TCIRG1: variants seen among roughly 807,000 people sequenced by gnomAD.
TCIRG1 encodes the protein V-type proton ATPase 116 kDa subunit a 3.
In TCIRG1, 86 loss-of-function variants were observed where a neutral mutation model predicts 95.5. That is an observed-to-expected ratio of 0.90 (90% CI 0.76 to 1.08). The LOEUF is 1.08. Ranked by LOEUF, TCIRG1 falls within the 50% of genes least tolerant of loss-of-function variation. The pLI is 0.00. For missense variants in TCIRG1, 1,069 were observed against 1,140.2 expected (o/e 0.94, Z 0.90); for synonymous variants, 499 against 501.3 (o/e 1.00, Z 0.06).
chr11:68,041,199 A>G, intron 1 of TCIRG1, 69 bp from the exon 2 acceptor site: 1 of 1,018,478 alleles, frequency 9.8e-7, no homozygotes. Context: ...GTGAAGGTGC[A>G]CAGGTGCCCG....
Position 68,041,276 on chromosome 11 carries a change from G to A in TCIRG1, c.5G>A (p.Gly2Asp). The change falls in exon 2 of 20, where the codon GGC becomes GAC. Residue 2 changes from glycine to aspartate, a missense_variant. Coordinates refer to ENST00000265686, the MANE Select transcript of TCIRG1 (RefSeq NM_006019.4). Reference protein sequence around the residue: MGSMFRSEEVAL... With the variant: MDSMFRSEEVAL... ...TCCGTGTCCACCCACAGGACCATGG[G>A]CTCCATGTTCCGGAGCGAGGAGGTG... is the stretch of plus-strand genomic sequence containing the variant. The A allele has an allele frequency of 1.2e-6, 2 of 1,610,386 alleles. No individual in the cohort carries two copies. The highest frequency in any genetic ancestry group is 2.2e-5 in the East Asian group (1 of 44,862).
rs543099977 is a variant in TCIRG1, at chr11:68,044,150, C to A, written c.826C>A (p.Arg276=). The A allele has an allele frequency of 6.5e-7, 1 of 1,550,110 alleles. No homozygotes were observed. The highest frequency in any genetic ancestry group is 1.2e-5 in the South Asian group (1 of 84,094). The change falls in exon 9 of 20, where the codon CGG becomes AGG. Residue 276 remains arginine (R), a synonymous_variant. Coordinates refer to ENST00000265686, the MANE Select transcript of TCIRG1 (RefSeq NM_006019.4). ...GGCGCAGGTCCTCGGGGAGACAGAG[C>A]GGTTCCTGAGCCAGGTGCTAGGCCG... ...ELQEVLGETE[R]FLSQVLGRVL...
intron 10 of TCIRG1, chr11:68,046,818 T>C: frequency 2.2e-6 from 1 of 454,120 alleles, no homozygotes; most frequent in East Asian, 7.0e-5. Flanking sequence ...CTCTGGCTTC[T>C]GTGTGGAGCT....
intron 1 of TCIRG1, among the ~76,000 whole-genome samples, chr11:68,040,631 C>T (rs1227667372): frequency 6.6e-6 from 1 of 152,184 alleles, no homozygotes; most frequent in Non-Finnish European, 1.5e-5. Context: ...GGCCTGGCAC[C>T]TGCCCCCACC....
Position 68,050,753 on chromosome 11 carries a change from G to A in TCIRG1, c.2427G>A (p.Gln809=). 2 of 1,613,942 alleles carry A rather than the reference G, an allele frequency of 1.2e-6. No individual in the cohort carries two copies. Among genetic ancestry groups the A allele is most frequent in the Non-Finnish European group, 1.7e-6 (2 of 1,180,030 alleles). Residue 809 remains glutamine, a synonymous_variant, in exon 20 of 20, where the codon CAG becomes CAA. Transcript: ENST00000265686. ...TTCTCACCCCCAGGGTGGAATTCCA[G>A]AACAAGTTCTACTCAGGCACGGGCT... ...HALRLHWVEF[Q]NKFYSGTGYK...
rs1300141877 is a variant in TCIRG1, at chr11:68,049,215, C to T, written c.1808C>T (p.Ala603Val). 2 of 1,613,818 alleles carry T rather than the reference C, an allele frequency of 1.2e-6. No homozygotes were observed. Among genetic ancestry groups the T allele is most frequent in the South Asian group, 1.1e-5 (1 of 91,084 alleles). ...LCVWAARAASAPSILIHFINM... is the reference protein window; with the variant it reads ...LCVWAARAASVPSILIHFINM... ...GTCTGGGCTGCCAGGGCCGCCTCGG[C>T]CCCCAGCATCCTCATCCACTTCATC... The change falls in exon 15 of 20, where the codon GCC (alanine) becomes GTC (valine). Residue 603 changes from alanine to valine, a missense_variant. By Grantham distance (64) the Ala-to-Val change is moderately conservative. Coordinates refer to ENST00000265686, the MANE Select transcript of TCIRG1 (RefSeq NM_006019.4).
At position 68,050,523 on chromosome 11, in the gene TCIRG1, T is replaced by C. The variant is rs2134466069; in HGVS notation, c.2273T>C (p.Ile758Thr). The stretch of plus-strand genomic sequence containing the variant: ...GTTCTGTGGGCCATGGTGATGCGCA[T>C]AGGCCTGGGCCTGGGCCGGGAGGTG... ...SEVLWAMVMR[I>T]GLGLGREVGV... is the part of the protein sequence containing the mutation. Residue 758 changes from isoleucine to threonine, a missense_variant, in exon 19 of 20, where the codon ATA becomes ACA. By Grantham distance (89) the Ile-to-Thr change is moderately conservative (BLOSUM62 -1). Transcript: ENST00000265686. 1.9e-6 allele frequency: 3 copies of C among 1,613,694 alleles called. No homozygotes were observed. The highest frequency in any genetic ancestry group is 2.5e-6 in the Non-Finnish European group (3 of 1,180,008).
intron 13 of TCIRG1, 45 bp downstream of exon 13, chr11:68,048,017 G>A: frequency 2.6e-6 from 4 of 1,558,204 alleles, no homozygotes; most frequent in Non-Finnish European, 3.5e-6. Context: ...AGGCAGCTGG[G>A]AGTGGGGGCT....
In TCIRG1 at chr11:68,050,486, G is replaced by A; in HGVS notation, c.2237-1G>A. ...GCCCCCACTGTCTCCTTTGCTTGCAGAGCTGTCCGAGGTTCTGTGGGCCAT... is the reference window on the plus strand; with the variant it reads ...GCCCCCACTGTCTCCTTTGCTTGCAAAGCTGTCCGAGGTTCTGTGGGCCAT... On this transcript the variant is annotated splice_acceptor_variant, in intron 18 of 19. Coordinates refer to ENST00000265686, the MANE Select transcript of TCIRG1 (RefSeq NM_006019.4). LOFTEE classifies it high-confidence loss of function. The A allele has an allele frequency of 6.2e-7, 1 of 1,613,026 alleles. No individual in the cohort carries two copies. Among genetic ancestry groups the A allele is most frequent in the Non-Finnish European group, 8.5e-7 (1 of 1,180,004 alleles).
chr11:68,052,237 G>A (rs1315271109), downstream of TCIRG1: 1 of 152,378 alleles, frequency 6.6e-6, no homozygotes, highest in Admixed American at 6.5e-5. Flanking sequence ...CCGGGCCCAG[G>A]GTGGTTTAGG....
chr11:68,044,285 G>C lies in TCIRG1; in HGVS notation c.961G>C (p.Glu321Gln), dbSNP rs372690969. Residue 321 changes from glutamate to glutamine, a missense_variant, in exon 9 of 20, where the codon GAG becomes CAG. Physicochemically the swap from Glu to Gln is conservative, Grantham distance 29 (BLOSUM62 2). Coordinates refer to ENST00000265686, the MANE Select transcript of TCIRG1 (RefSeq NM_006019.4). ...CACCACGCACAAGTGCCTCATTGCC[G>C]AGGCCTGGTGCTCTGTGCGAGACCT... ...VSTTHKCLIA[E>Q]AWCSVRDLPA... 5 of 1,604,968 alleles carry C rather than the reference G, an allele frequency of 3.1e-6. No homozygotes were observed. The highest frequency in any genetic ancestry group is 1.3e-5 in the African/African-American group (1 of 74,832).
chr11:68,046,362 A>G (rs1299404553), intron 10 of TCIRG1, among the ~76,000 whole-genome samples: 4 of 152,012 alleles, frequency 2.6e-5, no homozygotes, highest in African/African-American at 9.7e-5. Context: ...ATAAAAGATG[A>G]TGAGGTGTTG....
chr11:68,048,668 A>G (rs1401831609), intron 13 of TCIRG1, among the ~76,000 whole-genome samples: 3 of 152,184 alleles, frequency 2.0e-5, no homozygotes, highest in African/African-American at 7.2e-5. Flanking sequence ...GAAGAGACTG[A>G]GGCACAGAGG....
rs1225957112 is a variant in TCIRG1 at position 68,047,868 on chromosome 11, C to T, written c.1464-14C>T. On this transcript the variant is annotated splice_polypyrimidine_tract_variant and intron_variant, in intron 12 of 19. Transcript: ENST00000265686. ...CACCCGCAGCCCTGACCGCCCTCCCCTGCGTTGCCGCAGTGATGCATTCCT... is the reference window on the plus strand; with the variant it reads ...CACCCGCAGCCCTGACCGCCCTCCCTTGCGTTGCCGCAGTGATGCATTCCT... The T allele has an allele frequency of 1.2e-6, 2 of 1,613,260 alleles. No homozygotes were observed. Among genetic ancestry groups the T allele is most frequent in the African/African-American group, 1.3e-5 (1 of 74,942 alleles).
In TCIRG1 at chr11:68,047,573, G is replaced by C; in HGVS notation, c.1305+1G>C. The C allele has an allele frequency of 6.2e-7, 1 of 1,613,704 alleles. No individual in the cohort carries two copies. Among genetic ancestry groups the C allele is most frequent in the Non-Finnish European group, 8.5e-7 (1 of 1,180,020 alleles). On this transcript the variant is annotated splice_donor_variant, in intron 11 of 19. Coordinates refer to ENST00000265686, the MANE Select transcript of TCIRG1 (RefSeq NM_006019.4). LOFTEE classifies it high-confidence loss of function. ...GGCTGTGAAGGCCGCGCAGAACGAGGTGAGGGGCGGGGCTGGGGTCCTGAT... is the reference window on the plus strand; with the variant it reads ...GGCTGTGAAGGCCGCGCAGAACGAGCTGAGGGGCGGGGCTGGGGTCCTGAT...
At chr11:68,041,479 A>G in intron 2 of TCIRG1, 91 bp downstream of exon 2, 1 of 994,758 alleles carries the variant, frequency 1.0e-6, no homozygotes, top group Non-Finnish European at 1.5e-6. Context: ...CCTCCGCCAT[A>G]GGGCCCTGGC....
At chr11:68,051,076 T>C (rs1228815063), downstream of TCIRG1, 2 of 562,414 alleles carry the variant, frequency 3.6e-6, no homozygotes, top group Admixed American at 6.0e-5. Flanking sequence ...CAGCACATTC[T>C]AACTTGGAGT....
rs578001498 is a variant in TCIRG1, at chr11:68,043,621, G to A, written c.681G>A (p.Gln227=). 6.8e-6 allele frequency: 11 copies of A among 1,611,428 alleles called. No individual in the cohort carries two copies. The East Asian group carries it at 1.1e-4, about 16-fold the overall frequency. Residue 227 remains glutamine, a synonymous_variant, in exon 7 of 20, where the codon CAG becomes CAA. Transcript: ENST00000265686. ...MTFLISYWGE[Q]IGQKIRKITD... is the part of the protein sequence containing the mutation. ...TCCTCATCTCCTACTGGGGTGAGCA[G>A]ATCGGACAGAAGATCCGCAAGATCA...
downstream of TCIRG1, chr11:68,052,707 G>C (rs1016355495): frequency 6.6e-6 from 1 of 152,578 alleles, no homozygotes; most frequent in Non-Finnish European, 1.5e-5. Flanking sequence ...GCTGATGATG[G>C]GGCCACATGC....
Sources: gnomAD v4.1 joint callset for allele counts (sites outside exome capture counted in the v4.1 genomes callset) on GRCh38, gnomAD v4.1.1 for gene constraint, MANE v1.5 for transcripts, NCBI Gene and HGNC (gene_info 2026-07-23, HGNC 2026-07-21) for gene names.